Variants in PTPRG observed in about 807,000 individuals in gnomAD.
PTPRG encodes the protein receptor-type tyrosine-protein phosphatase gamma.
PTPRG carries 102 observed loss-of-function variants against 165.3 expected under a neutral mutation model. The observed-to-expected ratio is 0.62, with a 90% CI of 0.53 to 0.73. PTPRG has a LOEUF of 0.73. PTPRG is among the 30% of genes least tolerant of loss of function. The pLI is 0.00. For synonymous variants in PTPRG, 675 were observed against 669.5 expected (o/e 1.01, Z -0.13); for missense variants, 1,866 against 1,861.4 (o/e 1.00, Z -0.05).
intron 2 of PTPRG, among the ~76,000 whole-genome samples, chr3:61,942,109 G>T (rs189738595): frequency 3.0e-3 from 443 of 150,122 alleles, no homozygotes; most frequent in Non-Finnish European, 5.3e-3. Flanking sequence ...CGTGAGCGGA[G>T]ATCGCGCTAC....
intron 1 of PTPRG, chr3:61,742,352 G>T: frequency 1.3e-6 from 1 of 770,188 alleles, no homozygotes; most frequent in Non-Finnish European, 2.0e-6. Context: ...TTCAGTAGTA[G>T]GTGACTCTTA....
intron 1 of PTPRG, among the ~76,000 whole-genome samples, chr3:61,685,092 T>C (rs1703577982): frequency 1.3e-5 from 2 of 152,220 alleles, no homozygotes; most frequent in South Asian, 4.1e-4. Context: ...CTTTCTTAAG[T>C]ACAAGACTGC....
intron 2 of PTPRG, among the ~76,000 whole-genome samples, chr3:61,986,842 T>A (rs994948520): frequency 1.3e-5 from 2 of 152,202 alleles, no homozygotes; most frequent in Non-Finnish European, 2.9e-5. Flanking sequence ...ATATCATGTC[T>A]GAGAGAGGAA....
chr3:61,571,717 A>G (rs1700060814), intron 1 of PTPRG, among the ~76,000 whole-genome samples: 1 of 152,136 alleles, frequency 6.6e-6, no homozygotes, highest in East Asian at 1.9e-4. Context: ...GGGGCTTTGA[A>G]TATGGTTACT....
At chr3:62,282,972 A>G (rs1377160744) in intron 28 of PTPRG, 103 bp downstream of exon 28, 6 of 1,062,956 alleles carry the variant, frequency 5.6e-6, no homozygotes, top group Admixed American at 2.6e-5. Context: ...CCTATCAACA[A>G]CCTCAGCTTG....
chr3:61,917,896 C>T (rs535625910), intron 2 of PTPRG, among the ~76,000 whole-genome samples: 6 of 152,136 alleles, frequency 3.9e-5, no homozygotes, highest in Non-Finnish European at 7.4e-5. Context: ...CACGCCGCTG[C>T]GATCTAGCCT....
intron 1 of PTPRG, among the ~76,000 whole-genome samples, chr3:61,660,917 G>A (rs1049277309): frequency 6.6e-6 from 1 of 152,120 alleles, no homozygotes; most frequent in Non-Finnish European, 1.5e-5. Flanking sequence ...CATGAGAATC[G>A]CTTGAACCTG....
chr3:62,272,266 T>C (rs1702092091), intron 21 of PTPRG, among the ~76,000 whole-genome samples: 1 of 152,184 alleles, frequency 6.6e-6, no homozygotes, highest in Non-Finnish European at 1.5e-5. Flanking sequence ...ACAATATTTA[T>C]AGTATATATG....
At chr3:61,922,298 A>G (rs2039097316) in intron 2 of PTPRG, among the ~76,000 whole-genome samples, 5 of 152,252 alleles carry the variant, frequency 3.3e-5, no homozygotes, top group Admixed American at 3.3e-4. Context: ...AAGGTCGTTT[A>G]GTCATTCAAC....
chr3:61,632,959 A>C (rs1029620435), intron 1 of PTPRG, among the ~76,000 whole-genome samples: 3 of 152,186 alleles, frequency 2.0e-5, no homozygotes, highest in Non-Finnish European at 2.9e-5. Context: ...TCCAGAATTT[A>C]TGAAACTTTT....
In PTPRG at chr3:62,068,472, GT is replaced by G. The variant is rs529517728; in HGVS notation, c.520-9688del. Among the ~76,000 whole-genome samples, 677 of 152,208 alleles carry G rather than the reference GT, an allele frequency of 4.4e-3. 3 individuals are homozygous for G. Among genetic ancestry groups the G allele is most frequent in the African/African-American group, 0.015 (643 of 41,536 alleles). On this transcript the variant is annotated intron_variant, in intron 4 of 29. Transcript: ENST00000474889. ...GTAAACTCGGCCCTACTCTGTTTTG[GT>G]TTGTTTGTTTGTTTTTAATTGAAGC...
At chr3:61,738,273 T>TAC in intron 1 of PTPRG, among the ~76,000 whole-genome samples, 1 of 63,700 alleles carries the variant, frequency 1.6e-5, no homozygotes, top group Middle Eastern at 5.6e-3. Flanking sequence ...TATATATATA[T>TAC]ATATACATAT....
intron 5 of PTPRG, among the ~76,000 whole-genome samples, chr3:62,082,272 T>G (rs1242428641): frequency 6.6e-6 from 1 of 152,212 alleles, no homozygotes; most frequent in East Asian, 1.9e-4. Flanking sequence ...CCTGGTAATT[T>G]TGGCTTTCTG....
intron 28 of PTPRG, among the ~76,000 whole-genome samples, chr3:62,288,785 G>A (rs1362686303): frequency 1.3e-5 from 2 of 152,142 alleles, no homozygotes; most frequent in East Asian, 3.9e-4. Context: ...AAACACCTGA[G>A]ATTTGCTTCA....
chr3:62,207,656 A>G lies in PTPRG; in HGVS notation c.2155+3706A>G, dbSNP rs1433653345. ...ATAATGTGTAAAGTTACACACTGTT[A>G]TATTTTTATGAGTATCTCCAAACAG... On this transcript the variant is annotated intron_variant, in intron 12 of 29. Coordinates refer to ENST00000474889, the MANE Select transcript of PTPRG (RefSeq NM_002841.4). Among the ~76,000 whole-genome samples the G allele has an allele frequency of 2.0e-5, 3 of 152,340 alleles. No homozygotes were observed. The East Asian group carries it at 5.8e-4, about 29-fold the overall frequency.
chr3:61,783,404 TAAAG>T (rs1553667186), intron 2 of PTPRG, among the ~76,000 whole-genome samples: 1 of 152,154 alleles, frequency 6.6e-6, no homozygotes, highest in Non-Finnish European at 1.5e-5. Context: ...CTAAAATACT[TAAAG>T]AGTGTTCATT....
chr3:61,925,607 G>C (rs2039188523), intron 2 of PTPRG, among the ~76,000 whole-genome samples: 1 of 152,124 alleles, frequency 6.6e-6, no homozygotes, highest in South Asian at 2.1e-4. Context: ...GCCGGGCCTG[G>C]TGGCGTGTGC....
At chr3:61,754,662 C>T (rs181324581) in intron 2 of PTPRG, among the ~76,000 whole-genome samples, 89 of 152,300 alleles carry the variant, frequency 5.8e-4, no homozygotes, top group African/African-American at 2.0e-3. Flanking sequence ...CCATGAAATT[C>T]AGATAAATTA....
intron 12 of PTPRG, among the ~76,000 whole-genome samples, chr3:62,211,672 A>G (rs1159456747): frequency 6.6e-6 from 1 of 152,090 alleles, no homozygotes; most frequent in Non-Finnish European, 1.5e-5. Context: ...CTTCCTTGCA[A>G]ATTAAAGAAT....
Sources: allele counts gnomAD v4.1 joint callset (sites outside exome capture counted in the v4.1 genomes callset), GRCh38; gene constraint gnomAD v4.1.1; transcripts MANE v1.5; gene names NCBI Gene and HGNC (gene_info 2026-07-23, HGNC 2026-07-21).